The following FILIP1 variants were observed in gnomAD, a reference collection of about 807,000 sequenced individuals.
FILIP1 encodes filamin A interacting protein 1, also known as filamin-A-interacting protein 1.
FILIP1 carries 61 observed loss-of-function variants against 102.1 expected under a neutral mutation model. The ratio of observed to expected loss-of-function variants is 0.60; its 90% CI spans 0.49 to 0.74. FILIP1 has a LOEUF of 0.74. Ranked by LOEUF, FILIP1 falls within the 30% of genes least tolerant of loss-of-function variation. The pLI, the probability that FILIP1 is intolerant of heterozygous loss-of-function variation, is 0.00. For missense variants in FILIP1, 1,314 were observed against 1,441.2 expected, an observed-to-expected ratio of 0.91 and a Z score of 1.43; for synonymous variants, 491 against 526.9, an observed-to-expected ratio of 0.93 and a Z score of 0.93.
intron 3 of FILIP1, among the ~76,000 whole-genome samples, chr6:75,359,144 T>C (rs977100901): frequency 6.6e-6 from 1 of 152,150 alleles, no homozygotes; most frequent in Non-Finnish European, 1.5e-5. Context: ...TAGCTGGGAT[T>C]ACAGGCACCC....
At chr6:75,426,708 G>T (rs2998387) in intron 1 of FILIP1, among the ~76,000 whole-genome samples, 7,131 of 151,964 alleles carry the variant, frequency 0.047, 538 homozygotes, top group African/African-American at 0.16. Flanking sequence ...AGAGATAGGG[G>T]CATTTTACAA....
At chr6:75,385,340 T>C in intron 2 of FILIP1, among the ~76,000 whole-genome samples, 1 of 152,164 alleles carries the variant, frequency 6.6e-6, no homozygotes. Context: ...AAAATTAATA[T>C]TTTAAGAAGC....
chr6:75,474,969 T>G (rs552873436), intron 1 of FILIP1, among the ~76,000 whole-genome samples: 1 of 151,754 alleles, frequency 6.6e-6, no homozygotes, highest in African/African-American at 2.4e-5. Context: ...CTACTCCCCC[T>G]TCACCTTCCG....
At chr6:75,410,123 C>A (rs912926638) in intron 2 of FILIP1, among the ~76,000 whole-genome samples, 2 of 152,222 alleles carry the variant, frequency 1.3e-5, no homozygotes, top group African/African-American at 2.4e-5. Context: ...GCAATTATAA[C>A]CTCAGAACAC....
intron 4 of FILIP1, among the ~76,000 whole-genome samples, chr6:75,328,371 T>C (rs1249806536): frequency 6.6e-6 from 1 of 152,232 alleles, no homozygotes; most frequent in Non-Finnish European, 1.5e-5. Flanking sequence ...GAAAAATAGA[T>C]GAAACCAGAC....
rs78964048 is a variant in FILIP1 at position 75,396,593 on chromosome 6, A to T, written c.276+18104T>A. On this transcript the variant is annotated intron_variant, in intron 2 of 5. Coordinates refer to ENST00000237172, the MANE Select transcript of FILIP1 (RefSeq NM_015687.5). ...ATAAATAAGAATGGCGAGCCTGTTG[A>T]TCTCCTCTCTGCTGTAGGTAGACAA... Among the ~76,000 whole-genome samples the T allele has an allele frequency of 1.9e-3, 286 of 152,088 alleles. 2 individuals carry two copies. The highest frequency in any genetic ancestry group is 6.6e-3 in the African/African-American group (274 of 41,494).
chr6:75,457,194 T>TA (rs904200621), intron 1 of FILIP1, among the ~76,000 whole-genome samples: 61 of 152,138 alleles, frequency 4.0e-4, no homozygotes, highest in African/African-American at 1.4e-3. Context: ...CCAGTGGAAA[T>TA]AAAAAAATGC....
chr6:75,334,934 A>T lies in FILIP1; in HGVS notation c.629+18605T>A, dbSNP rs973122866. On this transcript the variant is annotated intron_variant, in intron 4 of 5. Transcript: ENST00000237172. ...AAGACTGGAAGGGAAGGCAGCTCTT[A>T]AGAAGCAAAGCAAGTGAATGGGAAT... 4.6e-5 allele frequency: 7 copies of T among 152,352 alleles called. 1 individual carries two copies. The highest frequency in any genetic ancestry group is 1.9e-4 in the East Asian group (1 of 5,186). 9.4% of individuals were successfully genotyped at this position (152,352 alleles called of 1,614,324 possible). A position where few individuals can be genotyped will look rare whatever the true frequency, so the allele number is the denominator to read the frequency against.
chr6:75,353,411 A>C, intron 4 of FILIP1, 128 bp downstream of exon 4: 1 of 864,326 alleles, frequency 1.2e-6, no homozygotes, highest in Non-Finnish European at 1.8e-6. Flanking sequence ...ACCCATTCAA[A>C]AATTGACATT....
intron 3 of FILIP1, among the ~76,000 whole-genome samples, chr6:75,355,509 C>T (rs1437074805): frequency 2.0e-5 from 3 of 150,920 alleles, no homozygotes; most frequent in Non-Finnish European, 4.4e-5. Context: ...TCAAGCGATT[C>T]TCCTGCCTCA....
At chr6:75,432,042 T>G (rs75679193) in intron 1 of FILIP1, among the ~76,000 whole-genome samples, 1 of 152,210 alleles carries the variant, frequency 6.6e-6, no homozygotes, top group Non-Finnish European at 1.5e-5. Flanking sequence ...TATTTCTCCA[T>G]AGATTTCACC....
chr6:75,338,683 T>A (rs1338632995), intron 4 of FILIP1, among the ~76,000 whole-genome samples: 1 of 152,248 alleles, frequency 6.6e-6, no homozygotes, highest in East Asian at 1.9e-4. Context: ...TTACTTGTTA[T>A]TTATTGTGAT....
chr6:75,426,776 T>C (rs1280007264), intron 1 of FILIP1, among the ~76,000 whole-genome samples: 1 of 152,004 alleles, frequency 6.6e-6, no homozygotes, highest in African/African-American at 2.4e-5. Flanking sequence ...CAACAGAGGA[T>C]ACAGGCAGGA....
chr6:75,441,717 C>T (rs1273898952), intron 1 of FILIP1, among the ~76,000 whole-genome samples: 1 of 142,236 alleles, frequency 7.0e-6, no homozygotes, highest in Non-Finnish European at 1.5e-5. Context: ...GACTGACCCC[C>T]CCACCTCCCT....
intron 4 of FILIP1, among the ~76,000 whole-genome samples, chr6:75,324,218 A>G (rs144508366): frequency 3.4e-4 from 52 of 152,282 alleles, no homozygotes; most frequent in African/African-American, 1.2e-3. Flanking sequence ...AAATCACTAT[A>G]CACAAATCAG....
At chr6:75,466,753 A>G (rs1032087254) in intron 1 of FILIP1, among the ~76,000 whole-genome samples, 6 of 152,262 alleles carry the variant, frequency 3.9e-5, no homozygotes, top group African/African-American at 1.4e-4. Flanking sequence ...TGTCTAGTAC[A>G]GTAGCCCCTA....
chr6:75,409,555 C>T (rs1008636278), intron 2 of FILIP1, among the ~76,000 whole-genome samples: 2 of 152,050 alleles, frequency 1.3e-5, no homozygotes, highest in Non-Finnish European at 2.9e-5. Flanking sequence ...CTAAAACTAA[C>T]CCCTTCCTTG....
At chr6:75,295,099 CTTA>C (rs1253234000) in exon 7 of FILIP1, 1 of 151,846 alleles carries the variant, frequency 6.6e-6, no homozygotes, top group East Asian at 1.9e-4. Flanking sequence ...TTTCACAGTC[CTTA>C]TTATAAGTCT....
At chr6:75,462,270 AG>A (rs779716228) in intron 1 of FILIP1, among the ~76,000 whole-genome samples, 3 of 152,096 alleles carry the variant, frequency 2.0e-5, no homozygotes, top group Non-Finnish European at 2.9e-5. Flanking sequence ...TGCTGAAGTG[AG>A]TTTCTGAGGA....
Sources: gnomAD v4.1 joint callset for allele counts (sites outside exome capture counted in the v4.1 genomes callset) on GRCh38, gnomAD v4.1.1 for gene constraint, MANE v1.5 for transcripts, NCBI Gene and HGNC (gene_info 2026-07-23, HGNC 2026-07-21) for gene names.